The following CYP4X1 variants were observed in gnomAD, a reference collection of about 807,000 sequenced individuals.
CYP4X1 encodes cytochrome P450 family 4 subfamily X member 1.
Under a neutral mutation model 57.9 loss-of-function variants are expected in CYP4X1, and 44 were observed. The ratio of observed to expected loss-of-function variants is 0.76; its 90% CI spans 0.60 to 0.98. CYP4X1 has a LOEUF of 0.98. Among genes scored for constraint, CYP4X1 ranks in the 50% least tolerant of loss-of-function variants. The probability of loss-of-function intolerance (pLI) is 0.00; values close to 1 mark genes in which losing one functional copy is unlikely to be tolerated. For missense variants in CYP4X1, 532 were observed against 623.9 expected (o/e 0.85, Z 1.57); for synonymous variants, 227 against 228.6 (o/e 0.99, Z 0.06).
chr1:47,052,624 A>C (rs1358201873), downstream of CYP4X1, among the ~76,000 whole-genome samples: 1 of 152,174 alleles, frequency 6.6e-6, no homozygotes, highest in Non-Finnish European at 1.5e-5. Flanking sequence ...GGGTACCTTT[A>C]TGTTTACATA....
At chr1:46,976,038 A>C in the CYP4X1 span, among the ~76,000 whole-genome samples, 1 of 152,084 alleles carries the variant, frequency 6.6e-6, no homozygotes, top group Non-Finnish European at 1.5e-5. Flanking sequence ...TCGATGCAGA[A>C]GATGGGTGAT....
the CYP4X1 span, among the ~76,000 whole-genome samples, chr1:47,000,256 A>C: frequency 6.6e-6 from 1 of 152,100 alleles, no homozygotes. Context: ...TTTGCCTTCC[A>C]CCATGATTTT....
At chr1:46,992,168 T>C in the CYP4X1 span, among the ~76,000 whole-genome samples, 1 of 152,168 alleles carries the variant, frequency 6.6e-6, no homozygotes, top group African/African-American at 2.4e-5. Context: ...AAAATTAAAT[T>C]AGCTGAGTGC....
At chr1:47,031,598 C>G in intron 3 of CYP4X1, 118 bp downstream of exon 3, 2 of 1,077,740 alleles carry the variant, frequency 1.9e-6, no homozygotes, top group Admixed American at 4.4e-5. Context: ...CAAGGTAGAG[C>G]TATACTGAAC....
the CYP4X1 span, among the ~76,000 whole-genome samples, chr1:46,989,731 C>G: frequency 6.6e-6 from 1 of 152,124 alleles, no homozygotes; most frequent in Non-Finnish European, 1.5e-5. Flanking sequence ...GAATAGAGAC[C>G]TCAGAAATAA....
At chr1:46,994,386 C>A in the CYP4X1 span, 1 of 152,414 alleles carries the variant, frequency 6.6e-6, no homozygotes, top group African/African-American at 2.4e-5. Flanking sequence ...AGTGCCTGTG[C>A]AGTTAGGGCT....
Position 47,033,273 on chromosome 1 carries a change from T to A in CYP4X1, c.397T>A (p.Trp133Arg). 5.0e-6 allele frequency: 8 copies of A among 1,613,718 alleles called. No homozygotes were observed. Among genetic ancestry groups the A allele is most frequent in the Non-Finnish European group, 6.8e-6 (8 of 1,179,794 alleles). Residue 133 changes from tryptophan (W) to arginine (R), a missense_variant, in exon 4 of 12, where the codon TGG becomes AGG. Trp to Arg is a moderately radical substitution (Grantham distance 101, BLOSUM62 -3). Transcript: ENST00000371901. The stretch of plus-strand genomic sequence containing the variant: ...ACTAGCGGCTCTAGACGGACCCAAG[T>A]GGTTCCAGCATCGTCGCCTACTAAC... The part of the protein sequence containing the change: ...KGLAALDGPK[W>R]FQHRRLLTPG...
chr1:46,980,645 G>C, the CYP4X1 span, among the ~76,000 whole-genome samples: 11 of 152,136 alleles, frequency 7.2e-5, no homozygotes, highest in South Asian at 2.3e-3. Context: ...AGTTCATATG[G>C]AACCAAAAAA....
At chr1:47,012,396 C>T in the CYP4X1 span, among the ~76,000 whole-genome samples, 3 of 151,950 alleles carry the variant, frequency 2.0e-5, no homozygotes, top group African/African-American at 7.3e-5. Flanking sequence ...CATCGCACAC[C>T]AGGGCCTGTC....
the CYP4X1 span, among the ~76,000 whole-genome samples, chr1:47,017,430 T>G: frequency 6.6e-6 from 1 of 152,088 alleles, no homozygotes; most frequent in African/African-American, 2.4e-5. Context: ...GAAACAAATT[T>G]TTTTTGAGGA....
chr1:47,042,625 C>G (rs927211622), intron 8 of CYP4X1, among the ~76,000 whole-genome samples: 7 of 152,170 alleles, frequency 4.6e-5, no homozygotes, highest in African/African-American at 1.7e-4. Context: ...CCATTTCCCC[C>G]AAGTCCCCAA....
At chr1:47,030,921 A>G (rs1644117603) in intron 2 of CYP4X1, among the ~76,000 whole-genome samples, 1 of 152,138 alleles carries the variant, frequency 6.6e-6, no homozygotes, top group Non-Finnish European at 1.5e-5. Context: ...CACTGAAGTC[A>G]TAAAACCCAC....
the CYP4X1 span, among the ~76,000 whole-genome samples, chr1:47,006,944 G>A: frequency 6.6e-6 from 1 of 152,220 alleles, no homozygotes; most frequent in African/African-American, 2.4e-5. Context: ...CTCAAACTGG[G>A]TGGAGCCCAC....
At chr1:47,035,237 C>G (rs66753730) in intron 4 of CYP4X1, among the ~76,000 whole-genome samples, 51,938 of 151,792 alleles carry the variant, frequency 0.34, 10,052 homozygotes, top group East Asian at 0.74. Context: ...CAAAGCATTT[C>G]AAGCAGTATA....
At chr1:47,034,203 G>C (rs1644154763) in intron 4 of CYP4X1, among the ~76,000 whole-genome samples, 1 of 152,172 alleles carries the variant, frequency 6.6e-6, no homozygotes, top group African/African-American at 2.4e-5. Context: ...AAGGTTTGGA[G>C]ATTGGCATGG....
chr1:47,046,214 C>A (rs1458567951), intron 8 of CYP4X1, among the ~76,000 whole-genome samples: 1 of 152,116 alleles, frequency 6.6e-6, no homozygotes, highest in Non-Finnish European at 1.5e-5. Context: ...TTAGAAATCT[C>A]CTTAGCAAAT....
At chr1:46,976,377 T>A in the CYP4X1 span, among the ~76,000 whole-genome samples, 2 of 152,056 alleles carry the variant, frequency 1.3e-5, no homozygotes, top group South Asian at 2.1e-4. Context: ...AAGTGCTAGG[T>A]GGCAGCCTGG....
the CYP4X1 span, among the ~76,000 whole-genome samples, chr1:47,006,379 G>A: frequency 5.9e-5 from 9 of 152,150 alleles, no homozygotes; most frequent in South Asian, 1.7e-3. Flanking sequence ...TATACAAAAT[G>A]TCCCAGAAAG....
chr1:47,023,970 C>T lies in CYP4X1; in HGVS notation c.153C>T (p.Thr51=), dbSNP rs367790270. ...TGCGCCCCTTCCCAGCGCCCCCCAC[C>T]CACTGGTTCCTTGGGCACCAGAAGG... The part of the protein sequence containing the change: ...RDLRPFPAPP[T]HWFLGHQKFI... The change falls in exon 1 of 12, where the codon ACC becomes ACT. Residue 51 remains threonine (T), a synonymous_variant. Transcript: ENST00000371901. The T allele has an allele frequency of 2.9e-5, 47 of 1,612,926 alleles. No homozygotes were observed. The African/African-American group carries it at 5.1e-4, about 17-fold the overall frequency.
Sources: allele counts gnomAD v4.1 joint callset (sites outside exome capture counted in the v4.1 genomes callset), GRCh38; gene constraint gnomAD v4.1.1; transcripts MANE v1.5; gene names NCBI Gene and HGNC (gene_info 2026-07-23, HGNC 2026-07-21).